DZIP3: variants seen among roughly 807,000 people sequenced by gnomAD.
DZIP3 encodes E3 ubiquitin-protein ligase DZIP3.
In DZIP3, 118 loss-of-function variants were observed where a neutral mutation model predicts 162.0. The ratio of observed to expected loss-of-function variants is 0.73; its 90% CI spans 0.63 to 0.85. The LOEUF (loss-of-function observed/expected upper bound fraction) is 0.85. DZIP3 is among the 40% of genes least tolerant of loss of function. DZIP3 has a pLI of 0.00. For missense variants in DZIP3, 1,331 were observed against 1,407.0 expected, an observed-to-expected ratio of 0.95 and a Z score of 0.86; for synonymous variants, 438 against 458.6, an observed-to-expected ratio of 0.96 and a Z score of 0.57.
intron 18 of DZIP3, among the ~76,000 whole-genome samples, chr3:108,652,914 A>G (rs1408308162): frequency 1.3e-5 from 2 of 151,906 alleles, no homozygotes; most frequent in African/African-American, 4.8e-5. Context: ...GTGTAGTAAC[A>G]CTCTATGATA....
intron 1 of DZIP3, among the ~76,000 whole-genome samples, chr3:108,591,912 C>T (rs557976572): frequency 1.3e-5 from 2 of 150,006 alleles, no homozygotes; most frequent in South Asian, 4.2e-4. Context: ...GGGGGGATCA[C>T]TTGAGGCTGC....
At chr3:108,656,656 C>T (rs1390546321) in intron 19 of DZIP3, among the ~76,000 whole-genome samples, 1 of 151,968 alleles carries the variant, frequency 6.6e-6, no homozygotes, top group Non-Finnish European at 1.5e-5. Flanking sequence ...ATGACTTTGA[C>T]GAGTTGAGAG....
chr3:108,619,590 G>C (rs1015506839), intron 5 of DZIP3, among the ~76,000 whole-genome samples: 4 of 151,940 alleles, frequency 2.6e-5, no homozygotes, highest in African/African-American at 9.7e-5. Flanking sequence ...CAGCAAGCAG[G>C]CCGGAAGCAA....
chr3:108,632,954 ATCT>A lies in DZIP3; in HGVS notation c.703_705del (p.Leu235del), dbSNP rs1407000113. 2 of 1,383,292 alleles carry A rather than the reference ATCT, an allele frequency of 1.4e-6. No homozygotes were observed. Among genetic ancestry groups the A allele is most frequent in the Non-Finnish European group, 1.9e-6 (2 of 1,030,528 alleles). 85.7% of individuals were successfully genotyped at this position (1,383,292 alleles called of 1,614,324 possible). On this transcript the variant is annotated inframe_deletion and splice_region_variant, in exon 9 of 33. Transcript: ENST00000361582. ...ATTCTTTCTGTTTTTAAAATCTAGGATCTTCTTAATAATTTTATCAAGACAACT... is the reference window on the plus strand; with the variant it reads ...ATTCTTTCTGTTTTTAAAATCTAGGATCTTAATAATTTTATCAAGACAACT...
At chr3:108,609,305 G>C (rs1379276666) in intron 3 of DZIP3, among the ~76,000 whole-genome samples, 1 of 152,198 alleles carries the variant, frequency 6.6e-6, no homozygotes, top group South Asian at 2.1e-4. Flanking sequence ...ACCTGCATGA[G>C]GTTATCGCTG....
chr3:108,605,515 G>A, intron 2 of DZIP3, 77 bp downstream of exon 2: 1 of 1,482,448 alleles, frequency 6.7e-7, no homozygotes, highest in Non-Finnish European at 9.3e-7. Context: ...GATGGTGGGG[G>A]TGCGGGGAAT....
Position 108,634,929 on chromosome 3 carries a change from G to A in DZIP3, c.875G>A (p.Trp292Ter). The A allele has an allele frequency of 3.1e-6, 5 of 1,609,024 alleles. No homozygotes were observed. The highest frequency in any genetic ancestry group is 4.2e-6 in the Non-Finnish European group (5 of 1,177,322). ...SCCVYFHKIC[W>*]KKFKNLKYPG... is the part of the protein sequence containing the mutation. The stretch of plus-strand genomic sequence containing the variant: ...TGTGTTTATTTCCATAAAATTTGCT[G>A]GAAAAAGTTCAAGAATTTAAAGTAT... The change falls in exon 10 of 33, where the codon TGG becomes TAG. Residue 292 changes from tryptophan to a stop codon, truncating the protein, a stop_gained. Coordinates refer to ENST00000361582, the MANE Select transcript of DZIP3 (RefSeq NM_014648.4). LOFTEE classifies it high-confidence loss of function.
intron 32 of DZIP3, among the ~76,000 whole-genome samples, chr3:108,692,022 G>A (rs762786152): frequency 2.0e-5 from 3 of 151,908 alleles, no homozygotes; most frequent in African/African-American, 7.3e-5. Context: ...AACATTGTCC[G>A]CATAAATAAG....
chr3:108,597,578 C>A (rs1241834467), intron 1 of DZIP3, among the ~76,000 whole-genome samples: 2 of 152,068 alleles, frequency 1.3e-5, no homozygotes, highest in Non-Finnish European at 2.9e-5. Context: ...TTGCTTATCT[C>A]ACTTTTAAAT....
intron 19 of DZIP3, among the ~76,000 whole-genome samples, chr3:108,661,215 G>A (rs570320189): frequency 6.6e-6 from 1 of 152,280 alleles, no homozygotes; most frequent in South Asian, 2.1e-4. Flanking sequence ...ATTCACAATA[G>A]CAAAGACTTG....
intron 26 of DZIP3, among the ~76,000 whole-genome samples, chr3:108,683,194 G>A (rs1404395163): frequency 1.3e-5 from 2 of 150,594 alleles, no homozygotes; most frequent in Non-Finnish European, 2.9e-5. Flanking sequence ...AAAAGATGAG[G>A]AACTCTTACT....
chr3:108,692,802 C>T (rs780563426), intron 32 of DZIP3, among the ~76,000 whole-genome samples: 1 of 151,498 alleles, frequency 6.6e-6, no homozygotes, highest in Non-Finnish European at 1.5e-5. Flanking sequence ...TTAGACCATA[C>T]CTTTTTGTCC....
At position 108,599,568 on chromosome 3, in the gene DZIP3, A is replaced by C. The variant is rs1224226735; in HGVS notation, c.-72-5767A>C. On this transcript the variant is annotated intron_variant, in intron 1 of 32. Transcript: ENST00000361582. The stretch of plus-strand genomic sequence containing the variant: ...TTGTCTACACAGAGCTCACTAACAT[A>C]CGAGAAATAAAGACTTTCATAGTGC... Among the ~76,000 whole-genome samples the C allele has an allele frequency of 2.6e-5, 4 of 152,206 alleles. No individual in the cohort carries two copies. The East Asian group carries it at 7.7e-4, about 29-fold the overall frequency.
Position 108,674,155 on chromosome 3 carries a change from T to G in DZIP3, c.2667T>G (p.Leu889=). 6.2e-7 allele frequency: 1 copy of G among 1,612,362 alleles called. No homozygotes were observed. Among genetic ancestry groups the G allele is most frequent in the Non-Finnish European group, 8.5e-7 (1 of 1,178,914 alleles). The change falls in exon 24 of 33, where the codon CTT becomes CTG. Residue 889 remains leucine (L), a synonymous_variant. Transcript: ENST00000361582. ...EQTEKECLNQ[L]ARVTHMAASN... is the part of the protein sequence containing the mutation. ...CTGAAAAGGAATGTCTCAATCAGCT[T>G]GCCAGGGTGACTCACATGGCAGCAA...
chr3:108,692,110 A>G (rs1944720617), intron 32 of DZIP3, among the ~76,000 whole-genome samples: 2 of 152,142 alleles, frequency 1.3e-5, no homozygotes, highest in African/African-American at 4.8e-5. Context: ...GGTAGAGGAA[A>G]AAGTTTTTTC....
At chr3:108,596,684 G>A (rs894687210) in intron 1 of DZIP3, among the ~76,000 whole-genome samples, 14 of 152,156 alleles carry the variant, frequency 9.2e-5, no homozygotes. Flanking sequence ...GCCTTCAGAG[G>A]CCTTGAGGTG....
chr3:108,610,604 G>A (rs1194937787), intron 3 of DZIP3, among the ~76,000 whole-genome samples: 1 of 152,164 alleles, frequency 6.6e-6, no homozygotes, highest in East Asian at 1.9e-4. Context: ...CAGAGTATAA[G>A]AACTCTGGTT....
chr3:108,637,998 C>T (rs2107621769), intron 12 of DZIP3, among the ~76,000 whole-genome samples: 1 of 152,082 alleles, frequency 6.6e-6, no homozygotes, highest in South Asian at 2.1e-4. Flanking sequence ...TTAGAAGTTT[C>T]AATATAAAAG....
At chr3:108,680,373 A>G (rs1182340722) in intron 26 of DZIP3, among the ~76,000 whole-genome samples, 1 of 152,066 alleles carries the variant, frequency 6.6e-6, no homozygotes, top group Non-Finnish European at 1.5e-5. Context: ...TTGTAGACAA[A>G]TGATCTTATA....
Sources: allele counts gnomAD v4.1 joint callset (sites outside exome capture counted in the v4.1 genomes callset), GRCh38; gene constraint gnomAD v4.1.1; transcripts MANE v1.5; gene names NCBI Gene and HGNC (gene_info 2026-07-23, HGNC 2026-07-21).